Variants in MARCKS observed in about 807,000 individuals in gnomAD.
MARCKS encodes the protein myristoylated alanine rich protein kinase C substrate.
In MARCKS, 4 loss-of-function variants were observed where a neutral mutation model predicts 6.3. The observed-to-expected ratio is 0.63, with a 90% CI of 0.31 to 1.45. The LOEUF (loss-of-function observed/expected upper bound fraction) is 1.45, where lower values mean the gene tolerates loss of function less well. Ranked by LOEUF, MARCKS falls within the 40% of genes most tolerant of loss-of-function variation. The pLI is 0.07. For synonymous variants in MARCKS, 289 were observed against 236.5 expected (o/e 1.22, Z -2.04); for missense variants, 636 against 485.7 (o/e 1.31, Z -2.91).
chr6:113,859,227 T>G (rs965659176), intron 1 of MARCKS, among the ~76,000 whole-genome samples: 2 of 152,182 alleles, frequency 1.3e-5, no homozygotes, highest in African/African-American at 2.4e-5. Flanking sequence ...GAGGCCTTTA[T>G]GTATTTAGGG....
Position 113,860,099 on chromosome 6 carries a change from G to C in MARCKS, c.519G>C (p.Lys173Asn), listed in dbSNP as rs567025772. The C allele has an allele frequency of 1.5e-5, 24 of 1,562,772 alleles. 1 individual carries two copies. In the South Asian group the frequency reaches 2.3e-4, roughly 15 times the overall value. The change falls in exon 2 of 2, where the codon AAG (lysine) becomes AAC (asparagine). Residue 173 changes from lysine to asparagine, a missense_variant. By Grantham distance (94) the Lys-to-Asn change is moderately conservative (BLOSUM62 0). Transcript: ENST00000612661. ...AGCTGAGCGGCTTCTCCTTCAAGAA[G>C]AACAAGAAGGAGGCTGGAGAAGGCG... ...SFKLSGFSFK[K>N]NKKEAGEGGE... is the part of the protein sequence containing the mutation.
intron 1 of MARCKS, among the ~76,000 whole-genome samples, chr6:113,859,098 A>C (rs1198443973): frequency 1.3e-5 from 2 of 151,986 alleles, no homozygotes; most frequent in East Asian, 3.9e-4. Context: ...GGCGCGGTGG[A>C]GGCACAGCGC....
intron 1 of MARCKS, among the ~76,000 whole-genome samples, chr6:113,858,877 G>A (rs1046952352): frequency 2.4e-4 from 36 of 152,268 alleles, no homozygotes; most frequent in Non-Finnish European, 2.9e-5. Context: ...GGGCGTGGAA[G>A]CAGAGGCGAG....
chr6:113,860,616 C>T lies in MARCKS; in HGVS notation c.*37C>T. ...TTTGTGAGATAATCGAAGAACTTTT[C>T]TCCCCCGTTTGTTTGTTGGAGTGGT... On this transcript the variant is annotated 3_prime_UTR_variant, in exon 2 of 2. Transcript: ENST00000612661. 6.8e-7 allele frequency: 1 copy of T among 1,467,824 alleles called. No homozygotes were observed. The allele number at this position is 1,467,824 out of a possible 1,614,324, so 90.9% of individuals were successfully genotyped here.
chr6:113,857,542 C>A lies in MARCKS; in HGVS notation c.-204C>A. The A allele has an allele frequency of 1.8e-6, 1 of 552,988 alleles. No individual in the cohort carries two copies. The highest frequency in any genetic ancestry group is 3.2e-6 in the Non-Finnish European group (1 of 312,590). The allele number at this position is 552,988 out of a possible 1,614,324, so 34.3% of individuals were successfully genotyped here. On this transcript the variant is annotated 5_prime_UTR_variant, in exon 1 of 2. Transcript: ENST00000612661. ...CTGTGCTGCTGCTTTTTGATCTCTT[C>A]GACTAAAATTTTTTTATCCGGAGTG...
rs554505594 is a variant in MARCKS, at chr6:113,862,928, G to T, written c.*2349G>T. 10 of 152,074 alleles carry T rather than the reference G, an allele frequency of 6.6e-5. No homozygotes were observed. Among genetic ancestry groups the T allele is most frequent in the Non-Finnish European group, 1.3e-4 (9 of 67,974 alleles). 9.4% of individuals were successfully genotyped at this position (152,074 alleles called of 1,614,324 possible). On this transcript the variant is annotated 3_prime_UTR_variant, in exon 2 of 2. Coordinates refer to ENST00000612661, the MANE Select transcript of MARCKS (RefSeq NM_002356.7). The stretch of plus-strand genomic sequence containing the variant: ...TTGGTAACCAAAGGACTGATTTATG[G>T]GTCTTTCCTATCTTAACCAACGTTT...
At position 113,860,009 on chromosome 6, in the gene MARCKS, GC is replaced by G; in HGVS notation, c.432del (p.Ser145ArgfsTer22). 1 of 1,564,298 alleles carries G rather than the reference GC, an allele frequency of 6.4e-7. No individual in the cohort carries two copies. The highest frequency in any genetic ancestry group is 8.6e-7 in the Non-Finnish European group (1 of 1,160,902). On this transcript the variant is annotated frameshift_variant, in exon 2 of 2. Coordinates refer to ENST00000612661, the MANE Select transcript of MARCKS (RefSeq NM_002356.7). LOFTEE classifies it low-confidence loss of function (END_TRUNC). ...SSPKAEDGATPSPSNETPKKK... is the reference protein window; with the variant it reads ...SSPKAEDGATXSPSNETPKKK... ...CGCCCAAGGCCGAGGACGGGGCCAC[GC>G]CCTCGCCCAGCAACGAGACCCCGAA...
In MARCKS at chr6:113,860,481, C is replaced by T. The variant is rs572021544; in HGVS notation, c.901C>T (p.Pro301Ser). ...PEQEAAPAEE[P>S]AAAAASSACA... ...GCAGGAGGCAGCCCCCGCGGAGGAG[C>T]CCGCGGCCGCCGCAGCCTCGTCAGC... Residue 301 changes from proline to serine, a missense_variant, in exon 2 of 2, where the codon CCC becomes TCC. Transcript: ENST00000612661. 45 of 1,483,474 alleles carry T rather than the reference C, an allele frequency of 3.0e-5. No homozygotes were observed. In the South Asian group the frequency reaches 5.3e-4, roughly 17 times the overall value. 91.9% of individuals were successfully genotyped at this position (1,483,474 alleles called of 1,614,324 possible).
rs1342660235 is a variant in MARCKS, at chr6:113,862,705, C to T, written c.*2126C>T. On this transcript the variant is annotated 3_prime_UTR_variant, in exon 2 of 2. Coordinates refer to ENST00000612661, the MANE Select transcript of MARCKS (RefSeq NM_002356.7). ...AACCACATGTGTAACAACTGAATGCCAAATCTTAAACTCATTAGAAAAATA... is the reference window on the plus strand; with the variant it reads ...AACCACATGTGTAACAACTGAATGCTAAATCTTAAACTCATTAGAAAAATA... 1 of 152,028 alleles carries T rather than the reference C, an allele frequency of 6.6e-6. No individual in the cohort carries two copies. The highest frequency in any genetic ancestry group is 1.5e-5 in the Non-Finnish European group (1 of 67,942). The allele number at this position is 152,028 out of a possible 1,614,324, so 9.4% of individuals were successfully genotyped here. A position where few individuals can be genotyped will look rare whatever the true frequency, so the allele number is the denominator to read the frequency against.
Position 113,857,974 on chromosome 6 carries a change from GA to G in MARCKS, c.102+128del, listed in dbSNP as rs1774814185. 12 of 829,306 alleles carry G rather than the reference GA, an allele frequency of 1.4e-5. No homozygotes were observed. In the East Asian group the frequency reaches 3.3e-4, roughly 23 times the overall value. The allele number at this position is 829,306 out of a possible 1,614,324, so 51.4% of individuals were successfully genotyped here. On this transcript the variant is annotated intron_variant, in intron 1 of 1. Coordinates refer to ENST00000612661, the MANE Select transcript of MARCKS (RefSeq NM_002356.7). The stretch of plus-strand genomic sequence containing the variant: ...CTAGTCTGAAAGTTGAATGGAAATG[GA>G]TAGCCTAAATTGTGGATTTTTCATA...
At position 113,860,616 on chromosome 6, in the gene MARCKS, C is replaced by A; in HGVS notation, c.*37C>A. 3 of 1,467,820 alleles carry A rather than the reference C, an allele frequency of 2.0e-6. No individual in the cohort carries two copies. Among genetic ancestry groups the A allele is most frequent in the South Asian group, 1.4e-5 (1 of 73,984 alleles). 90.9% of individuals were successfully genotyped at this position (1,467,820 alleles called of 1,614,324 possible). On this transcript the variant is annotated 3_prime_UTR_variant, in exon 2 of 2. Transcript: ENST00000612661. ...TTTGTGAGATAATCGAAGAACTTTT[C>A]TCCCCCGTTTGTTTGTTGGAGTGGT...
chr6:113,857,635 G>A lies in MARCKS; in HGVS notation c.-111G>A. The A allele has an allele frequency of 1.9e-6, 1 of 531,694 alleles. No homozygotes were observed. Among genetic ancestry groups the A allele is most frequent in the South Asian group, 1.8e-5 (1 of 56,600 alleles). The allele number at this position is 531,694 out of a possible 1,614,324, so 32.9% of individuals were successfully genotyped here. On this transcript the variant is annotated 5_prime_UTR_variant, in exon 1 of 2. Coordinates refer to ENST00000612661, the MANE Select transcript of MARCKS (RefSeq NM_002356.7). The stretch of plus-strand genomic sequence containing the variant: ...CCCTCCCTCCGGTGTGTGTGCCGCT[G>A]CCGCTGTTGCCGCCGCCGCTGCTGC...
At position 113,859,844 on chromosome 6, in the gene MARCKS, T is replaced by C; in HGVS notation, c.264T>C (p.Gly88=). The C allele has an allele frequency of 1.5e-6, 2 of 1,292,556 alleles. No homozygotes were observed. Among genetic ancestry groups the C allele is most frequent in the Non-Finnish European group, 2.0e-6 (2 of 1,022,954 alleles). 80.1% of individuals were successfully genotyped at this position (1,292,556 alleles called of 1,614,324 possible). ...GAASPSAAEK[G]EPAAAAAPEA... ...CGTCGCCCTCCGCGGCCGAGAAAGG[T>C]GAGCCGGCCGCCGCCGCTGCCCCCG... Residue 88 remains glycine (G), a synonymous_variant, in exon 2 of 2, where the codon GGT becomes GGC. Coordinates refer to ENST00000612661, the MANE Select transcript of MARCKS (RefSeq NM_002356.7).
chr6:113,860,664 C>A lies in MARCKS; in HGVS notation c.*85C>A. 1 of 951,310 alleles carries A rather than the reference C, an allele frequency of 1.1e-6. No individual in the cohort carries two copies. The highest frequency in any genetic ancestry group is 1.5e-6 in the Non-Finnish European group (1 of 684,106). The allele number at this position is 951,310 out of a possible 1,614,324, so 58.9% of individuals were successfully genotyped here. On this transcript the variant is annotated 3_prime_UTR_variant, in exon 2 of 2. Transcript: ENST00000612661. Reference sequence around the variant, plus strand: ...GGTGCCAGGTACTGGTTTTGGAGAACTTGTCTACAACCAGGGATTGATTTT... The same window carrying A: ...GGTGCCAGGTACTGGTTTTGGAGAAATTGTCTACAACCAGGGATTGATTTT...
rs1237143451 is a variant in MARCKS, at chr6:113,860,271, G to A, written c.691G>A (p.Gly231Ser). Reference sequence around the variant, plus strand: ...GGCAGCGGGCGAGGAGGGGGCGGCGGGTGGCGACCCGCAGGAGGCCAAGCC... The same window carrying A: ...GGCAGCGGGCGAGGAGGGGGCGGCGAGTGGCGACCCGCAGGAGGCCAAGCC... ...EAAAGEEGAAGGDPQEAKPQE... is the reference protein window; with the variant it reads ...EAAAGEEGAASGDPQEAKPQE... The change falls in exon 2 of 2, where the codon GGT becomes AGT. Residue 231 changes from glycine to serine, a missense_variant. Gly to Ser is a moderately conservative substitution (Grantham distance 56, BLOSUM62 0). Coordinates refer to ENST00000612661, the MANE Select transcript of MARCKS (RefSeq NM_002356.7). 7.6e-6 allele frequency: 9 copies of A among 1,190,824 alleles called. No individual in the cohort carries two copies. Among genetic ancestry groups the A allele is most frequent in the Non-Finnish European group, 9.5e-6 (9 of 944,274 alleles). The allele number at this position is 1,190,824 out of a possible 1,614,324, so 73.8% of individuals were successfully genotyped here.
At position 113,857,539 on chromosome 6, in the gene MARCKS, C is replaced by A; in HGVS notation, c.-207C>A. 1.8e-6 allele frequency: 1 copy of A among 552,502 alleles called. No individual in the cohort carries two copies. The highest frequency in any genetic ancestry group is 3.2e-6 in the Non-Finnish European group (1 of 312,396). The allele number at this position is 552,502 out of a possible 1,614,324, so 34.2% of individuals were successfully genotyped here. ...CTCCTGTGCTGCTGCTTTTTGATCT[C>A]TTCGACTAAAATTTTTTTATCCGGA... On this transcript the variant is annotated 5_prime_UTR_variant, in exon 1 of 2. Transcript: ENST00000612661.
Position 113,859,971 on chromosome 6 carries a change from T to C in MARCKS, c.391T>C (p.Ser131Pro). 1 of 1,534,726 alleles carries C rather than the reference T, an allele frequency of 6.5e-7. No homozygotes were observed. Among genetic ancestry groups the C allele is most frequent in the Non-Finnish European group, 8.7e-7 (1 of 1,148,248 alleles). ...GGAGGGAGAGGCCGCGTCGGCCGCC[T>C]CCTCGACTTCTTCGCCCAAGGCCGA... is the stretch of plus-strand genomic sequence containing the variant. Reference protein sequence around the residue: ...AAEGEAASAASSTSSPKAEDG... With the variant: ...AAEGEAASAAPSTSSPKAEDG... The change falls in exon 2 of 2, where the codon TCC (serine) becomes CCC (proline). Residue 131 changes from serine to proline, a missense_variant. Ser to Pro is a moderately conservative substitution (Grantham distance 74). Transcript: ENST00000612661.
In MARCKS at chr6:113,860,554, C is replaced by A. The variant is rs769487523; in HGVS notation, c.974C>A (p.Ala325Asp). 1.9e-6 allele frequency: 3 copies of A among 1,554,062 alleles called. No individual in the cohort carries two copies. In the South Asian group the frequency reaches 3.5e-5, roughly 18 times the overall value. ...GCCCAGCCCGAGTGCAGTCCAGAAG[C>A]CCCCCCAGCGGAGGCGGCAGAGTAA... Reference protein sequence around the residue: ...QEAQPECSPEAPPAEAAE With the variant: ...QEAQPECSPEDPPAEAAE Residue 325 changes from alanine to aspartate, a missense_variant, in exon 2 of 2, where the codon GCC (alanine) becomes GAC (aspartate). Transcript: ENST00000612661.
In MARCKS at chr6:113,861,676, T is replaced by C. The variant is rs879137498; in HGVS notation, c.*1097T>C. ...CATGTTTTGTAAATACTGGAGAAGC[T>C]TTGACCAATTTGACTTAGAGATGGA... On this transcript the variant is annotated 3_prime_UTR_variant, in exon 2 of 2. Coordinates refer to ENST00000612661, the MANE Select transcript of MARCKS (RefSeq NM_002356.7). 1 of 152,654 alleles carries C rather than the reference T, an allele frequency of 6.6e-6. No individual in the cohort carries two copies. The highest frequency in any genetic ancestry group is 2.1e-4 in the South Asian group (1 of 4,836). 9.5% of individuals were successfully genotyped at this position (152,654 alleles called of 1,614,324 possible).
Sources: allele counts gnomAD v4.1 joint callset (sites outside exome capture counted in the v4.1 genomes callset), GRCh38; gene constraint gnomAD v4.1.1; transcripts MANE v1.5; gene names NCBI Gene and HGNC (gene_info 2026-07-23, HGNC 2026-07-21).